Variants in PPP3CB observed in about 807,000 individuals in gnomAD.
PPP3CB encodes protein phosphatase 3 catalytic subunit beta.
PPP3CB carries 8 observed loss-of-function variants against 66.4 expected under a neutral mutation model. The ratio of observed to expected loss-of-function variants is 0.12; its 90% CI spans 0.07 to 0.22. The LOEUF is 0.22. PPP3CB is among the 10% of genes least tolerant of loss of function. PPP3CB has a pLI of 1.00. For missense variants in PPP3CB, 319 were observed against 642.5 expected (o/e 0.50, Z 5.44); for synonymous variants, 208 against 221.2 (o/e 0.94, Z 0.53).
intron 3 of PPP3CB, among the ~76,000 whole-genome samples, chr10:73,476,904 C>T (rs1242764855): frequency 6.6e-6 from 1 of 152,080 alleles, no homozygotes; most frequent in Non-Finnish European, 1.5e-5. Flanking sequence ...AACTTCCTTC[C>T]ACTCTGAGAA....
At chr10:73,494,441 C>A (rs906088980) in intron 1 of PPP3CB, among the ~76,000 whole-genome samples, 1 of 152,092 alleles carries the variant, frequency 6.6e-6, no homozygotes, top group Non-Finnish European at 1.5e-5. Context: ...GGGCGCGCCA[C>A]CATGCCCGGC....
chr10:73,447,843 G>A (rs1035711941), intron 10 of PPP3CB, among the ~76,000 whole-genome samples: 9 of 151,652 alleles, frequency 5.9e-5, no homozygotes, highest in Admixed American at 2.0e-4. Flanking sequence ...GTCCAAAACT[G>A]TGTGGGTACC....
chr10:73,450,200 T>C (rs1004591809), intron 10 of PPP3CB, among the ~76,000 whole-genome samples: 1 of 152,214 alleles, frequency 6.6e-6, no homozygotes, highest in Non-Finnish European at 1.5e-5. Context: ...CTTACTCTGA[T>C]TCCACAGCCA....
chr10:73,469,792 T>C (rs2056675246), intron 8 of PPP3CB, among the ~76,000 whole-genome samples: 1 of 152,214 alleles, frequency 6.6e-6, no homozygotes, highest in African/African-American at 2.4e-5. Context: ...ATTCTCTCTC[T>C]AAATGTCCTT....
chr10:73,491,390 C>A (rs1446754726), intron 1 of PPP3CB, among the ~76,000 whole-genome samples: 3 of 151,994 alleles, frequency 2.0e-5, no homozygotes, highest in Admixed American at 2.0e-4. Context: ...GTCTCAAACT[C>A]CTGACCTCAA....
chr10:73,453,640 C>T (rs1260028633), intron 10 of PPP3CB, among the ~76,000 whole-genome samples: 3 of 151,878 alleles, frequency 2.0e-5, no homozygotes, highest in East Asian at 3.9e-4. Flanking sequence ...GTTTAATACA[C>T]GGAAACATTG....
intron 5 of PPP3CB, 23 bp downstream of exon 5, chr10:73,471,445 T>G: frequency 6.3e-7 from 1 of 1,578,340 alleles, no homozygotes; most frequent in Non-Finnish European, 8.6e-7. Context: ...GAAATCAATC[T>G]CGGAAGTAAA....
chr10:73,493,441 A>C (rs2057111485), intron 1 of PPP3CB, among the ~76,000 whole-genome samples: 1 of 152,238 alleles, frequency 6.6e-6, no homozygotes, highest in South Asian at 2.1e-4. Context: ...AGCTGAACTC[A>C]CATCATTTAT....
intron 2 of PPP3CB, 142 bp from the exon 3 acceptor site, chr10:73,478,765 G>T: frequency 1.5e-6 from 1 of 680,282 alleles, no homozygotes; most frequent in Non-Finnish European, 2.4e-6. Flanking sequence ...GAACAGTCAT[G>T]ATTAGGATGA....
chr10:73,448,176 C>A (rs1329090108), intron 10 of PPP3CB, among the ~76,000 whole-genome samples: 2 of 152,060 alleles, frequency 1.3e-5, no homozygotes, highest in Non-Finnish European at 2.9e-5. Context: ...TAAGTACATT[C>A]ATATTTTCAG....
At chr10:73,446,681 T>C in intron 10 of PPP3CB, 108 bp from the exon 11 acceptor site, 1 of 989,972 alleles carries the variant, frequency 1.0e-6, no homozygotes, top group Non-Finnish European at 1.6e-6. Context: ...CCAAGACCCC[T>C]GCCACCAGCT....
rs371231324 is a variant in PPP3CB, at chr10:73,479,302, C to T, written c.286+15G>A. ...GACATAATAAAAATAATACCCAAAACATGAATAAGCTTACCTGTGATTGGA... is the reference window on the plus strand; with the variant it reads ...GACATAATAAAAATAATACCCAAAATATGAATAAGCTTACCTGTGATTGGA... On this transcript the variant is annotated intron_variant, in intron 2 of 13. Coordinates refer to ENST00000360663, the MANE Select transcript of PPP3CB (RefSeq NM_021132.4). The T allele has an allele frequency of 2.5e-6, 4 of 1,608,440 alleles. No individual in the cohort carries two copies. The highest frequency in any genetic ancestry group is 2.2e-5 in the East Asian group (1 of 44,816).
At chr10:73,450,912 G>A (rs2056334444) in intron 10 of PPP3CB, among the ~76,000 whole-genome samples, 2 of 152,152 alleles carry the variant, frequency 1.3e-5, no homozygotes, top group South Asian at 4.2e-4. Flanking sequence ...TCCCTGGAAT[G>A]CAAGAATGAT....
At chr10:73,492,637 T>A (rs1392103380) in intron 1 of PPP3CB, among the ~76,000 whole-genome samples, 1 of 152,248 alleles carries the variant, frequency 6.6e-6, no homozygotes, top group Admixed American at 6.5e-5. Context: ...AAAGGGTATA[T>A]ACCATCTTGC....
chr10:73,467,438 G>A lies in PPP3CB; in HGVS notation c.1108+115C>T, dbSNP rs1367682260. 4.8e-6 allele frequency: 4 copies of A among 825,340 alleles called. No individual in the cohort carries two copies. The African/African-American group carries it at 7.2e-5, about 15-fold the overall frequency. The allele number at this position is 825,340 out of a possible 1,614,324, so 51.1% of individuals were successfully genotyped here. A position where few individuals can be genotyped will look rare whatever the true frequency, so the allele number is the denominator to read the frequency against. On this transcript the variant is annotated intron_variant, in intron 9 of 13. Coordinates refer to ENST00000360663, the MANE Select transcript of PPP3CB (RefSeq NM_021132.4). ...CACACCCACTGACACAAGGAGAGCT[G>A]TAACCACAGTGAAACTAGACTTTGG...
At chr10:73,452,412 A>G (rs1175152740) in intron 10 of PPP3CB, among the ~76,000 whole-genome samples, 2 of 152,056 alleles carry the variant, frequency 1.3e-5, no homozygotes, top group East Asian at 3.9e-4. Flanking sequence ...AAACTATTCA[A>G]TGGCTGGGCA....
At chr10:73,488,495 A>G (rs2057023688) in intron 1 of PPP3CB, among the ~76,000 whole-genome samples, 2 of 148,536 alleles carry the variant, frequency 1.3e-5, no homozygotes, top group Admixed American at 6.8e-5. Flanking sequence ...GCAGTGAGCT[A>G]TGATCATGGC....
intron 1 of PPP3CB, among the ~76,000 whole-genome samples, chr10:73,481,758 A>ATT (rs2132985867): frequency 6.6e-6 from 1 of 152,054 alleles, no homozygotes; most frequent in East Asian, 1.9e-4. Context: ...GAACTAAGGC[A>ATT]GAGAGATGCC....
chr10:73,465,039 T>C (rs1200586170), intron 9 of PPP3CB, among the ~76,000 whole-genome samples: 5 of 152,100 alleles, frequency 3.3e-5, no homozygotes, highest in Admixed American at 2.0e-4. Flanking sequence ...TATTTATAGA[T>C]AGAAAAGAGT....
Sources: gnomAD v4.1 joint callset for allele counts (sites outside exome capture counted in the v4.1 genomes callset) on GRCh38, gnomAD v4.1.1 for gene constraint, MANE v1.5 for transcripts, NCBI Gene and HGNC (gene_info 2026-07-23, HGNC 2026-07-21) for gene names.